ZNF616: variants seen among roughly 807,000 people sequenced by gnomAD.
ZNF616 encodes zinc finger protein 616.
A neutral mutation model predicts 7.6 loss-of-function variants in ZNF616; 5 were observed. That is an observed-to-expected ratio of 0.66 (90% CI 0.34 to 1.38). ZNF616 has a LOEUF of 1.38. ZNF616 is among the 40% of genes most tolerant of loss of function. The pLI, the probability that ZNF616 is intolerant of heterozygous loss-of-function variation, is 0.04. For synonymous variants in ZNF616, 319 were observed against 317.2 expected (o/e 1.01, Z -0.06); for missense variants, 913 against 948.3 (o/e 0.96, Z 0.49).
chr19:52,132,121 TTTTC>T (rs764452878), intron 1 of ZNF616, among the ~76,000 whole-genome samples: 2 of 152,204 alleles, frequency 1.3e-5, no homozygotes, highest in Non-Finnish European at 2.9e-5. Flanking sequence ...TAAATGTAAC[TTTTC>T]TTTATCATTT....
chr19:52,116,699 T>C lies in ZNF616; in HGVS notation c.465A>G (p.Gln155=), dbSNP rs754905243. The change falls in exon 4 of 4, where the codon CAA becomes CAG. Residue 155 remains glutamine (Q), a synonymous_variant. Coordinates refer to ENST00000600228, the MANE Select transcript of ZNF616 (RefSeq NM_178523.5). ...TACATTCATAAAGTCTCCCTTCAGTTTGAACTTTCTGCAGTTCAGCCAGAC... is the reference window on the plus strand; with the variant it reads ...TACATTCATAAAGTCTCCCTTCAGTCTGAACTTTCTGCAGTTCAGCCAGAC... ...ESRLAELQKV[Q]TEGRLYECNE... is the part of the protein sequence containing the mutation. The C allele has an allele frequency of 1.2e-5, 20 of 1,614,078 alleles. No homozygotes were observed. The highest frequency in any genetic ancestry group is 2.7e-5 in the African/African-American group (2 of 74,944).
At chr19:52,128,783 T>C (rs112521869) in intron 2 of ZNF616, among the ~76,000 whole-genome samples, 28 of 152,120 alleles carry the variant, frequency 1.8e-4, no homozygotes, top group African/African-American at 6.3e-4. Context: ...TGATGCCCAT[T>C]TTTGTTTGCT....
intron 3 of ZNF616, among the ~76,000 whole-genome samples, chr19:52,120,639 G>A (rs1158227055): frequency 6.6e-6 from 1 of 152,140 alleles, no homozygotes; most frequent in Non-Finnish European, 1.5e-5. Flanking sequence ...CCTTATAAAT[G>A]GTAATAGAAA....
intron 1 of ZNF616, among the ~76,000 whole-genome samples, chr19:52,130,879 G>A (rs774500602): frequency 2.0e-5 from 3 of 152,236 alleles, no homozygotes; most frequent in African/African-American, 7.2e-5. Context: ...CCCATGCAGC[G>A]CACAGCCCCC....
chr19:52,117,209 A>C (rs2088833710), intron 3 of ZNF616, among the ~76,000 whole-genome samples, 185 bp from the exon 4 acceptor site: 1 of 152,228 alleles, frequency 6.6e-6, no homozygotes, highest in Non-Finnish European at 1.5e-5. Flanking sequence ...AGAAAGGGTG[A>C]CTACATGTAA....
rs187731460 is a variant in ZNF616 at position 52,116,612 on chromosome 19, C to G, written c.552G>C (p.Thr184=). The change falls in exon 4 of 4, where the codon ACG becomes ACC. Residue 184 remains threonine, a synonymous_variant. Coordinates refer to ENST00000600228, the MANE Select transcript of ZNF616 (RefSeq NM_178523.5). Reference sequence around the variant, plus strand: ...CTTTGCCACATTCATTACATACATACGTTTTTTCCCTAATGTGTGGAGAAA... The same window carrying G: ...CTTTGCCACATTCATTACATACATAGGTTTTTTCCCTAATGTGTGGAGAAA... ...CLVSPHIREK[T]YVCNECGKAF... 3 of 1,613,916 alleles carry G rather than the reference C, an allele frequency of 1.9e-6. No individual in the cohort carries two copies. The highest frequency in any genetic ancestry group is 4.5e-5 in the East Asian group (2 of 44,886).
rs191597348 is a variant in ZNF616 at position 52,123,954 on chromosome 19, C to A, written c.108G>T (p.Met36Ile). 1.2e-6 allele frequency: 2 copies of A among 1,614,106 alleles called. No individual in the cohort carries two copies. Among genetic ancestry groups the A allele is most frequent in the South Asian group, 2.2e-5 (2 of 91,080 alleles). ...AGACCAGGTTCCTATAGTTCTCCAA[C>A]ATCACATCCTTGTACAAAGCTTTCT... is the stretch of plus-strand genomic sequence containing the variant. ...PVQKALYKDV[M>I]LENYRNLVFL... Residue 36 changes from methionine to isoleucine, a missense_variant, in exon 3 of 4, where the codon ATG becomes ATT. Physicochemically the swap from Met to Ile is conservative, Grantham distance 10 (BLOSUM62 1). Transcript: ENST00000600228.
At chr19:52,119,667 A>C (rs1403676485) in intron 3 of ZNF616, among the ~76,000 whole-genome samples, 1 of 152,178 alleles carries the variant, frequency 6.6e-6, no homozygotes, top group Non-Finnish European at 1.5e-5. Context: ...TAAAATCCTG[A>C]CTTTGGACAA....
At chr19:52,122,482 T>C (rs2088871849) in intron 3 of ZNF616, 1 of 151,788 alleles carries the variant, frequency 6.6e-6, no homozygotes, top group Non-Finnish European at 1.5e-5. Context: ...TGAAAATCCG[T>C]CTCAAAAAAC....
In ZNF616 at chr19:52,116,727, G is replaced by A. The variant is rs1600121331; in HGVS notation, c.437C>T (p.Ser146Leu). The A allele has an allele frequency of 6.2e-7, 1 of 1,614,126 alleles. No individual in the cohort carries two copies. ...AACTTTCTGCAGTTCAGCCAGACGT[G>A]ACTCAAAGTTTGATGTAAGCTGGTT... ...IENQLTSNFE[S>L]RLAELQKVQT... The change falls in exon 4 of 4, where the codon TCA becomes TTA. Residue 146 changes from serine (S) to leucine (L), a missense_variant. Physicochemically the swap from Ser to Leu is moderately radical, Grantham distance 145. Coordinates refer to ENST00000600228, the MANE Select transcript of ZNF616 (RefSeq NM_178523.5).
intron 3 of ZNF616, among the ~76,000 whole-genome samples, chr19:52,117,520 A>G (rs1004337781): frequency 6.6e-6 from 1 of 152,176 alleles, no homozygotes; most frequent in African/African-American, 2.4e-5. Flanking sequence ...CTATTAACCC[A>G]TGATAAAACC....
At chr19:52,123,741 G>GCA (rs2088881889) in intron 3 of ZNF616, among the ~76,000 whole-genome samples, 182 bp downstream of exon 3, 1 of 152,200 alleles carries the variant, frequency 6.6e-6, no homozygotes, top group East Asian at 1.9e-4. Flanking sequence ...GTACAAAGAA[G>GCA]GCAGCAGAAT....
intron 2 of ZNF616, among the ~76,000 whole-genome samples, chr19:52,126,620 T>C (rs1289406500): frequency 6.6e-6 from 1 of 151,414 alleles, no homozygotes; most frequent in Non-Finnish European, 1.5e-5. Context: ...ATACAAAAAT[T>C]AGCCAGGTGT....
At position 52,115,355 on chromosome 19, in the gene ZNF616, T is replaced by C. The variant is rs1357351827; in HGVS notation, c.1809A>G (p.Lys603=). The C allele has an allele frequency of 5.0e-6, 8 of 1,614,124 alleles. No individual in the cohort carries two copies. Among genetic ancestry groups the C allele is most frequent in the Admixed American group, 3.3e-5 (2 of 59,996 alleles). ...VGHRRVHTGE[K]PYKCHECGKA... ...TGCCACATTCATGACATTTGTATGG[T>C]TTCTCTCCAGTATGAACTCTTCGAT... is the stretch of plus-strand genomic sequence containing the variant. The change falls in exon 4 of 4, where the codon AAA becomes AAG. Residue 603 remains lysine (K), a synonymous_variant. Coordinates refer to ENST00000600228, the MANE Select transcript of ZNF616 (RefSeq NM_178523.5).
chr19:52,122,713 C>T (rs1365744516), intron 3 of ZNF616, among the ~76,000 whole-genome samples: 2 of 150,918 alleles, frequency 1.3e-5, no homozygotes, highest in African/African-American at 4.9e-5. Flanking sequence ...CTGCTCACTG[C>T]AAGCTCCGCC....
chr19:52,114,713 A>G lies in ZNF616; in HGVS notation c.*105T>C. On this transcript the variant is annotated 3_prime_UTR_variant, in exon 4 of 4. Transcript: ENST00000600228. ...CACCTCCCAATGGGCCCCACCTCCA[A>G]TACTGGAGATTACAATTCCACAGGG... The G allele has an allele frequency of 7.4e-7, 1 of 1,348,428 alleles. No individual in the cohort carries two copies. Among genetic ancestry groups the G allele is most frequent in the Non-Finnish European group, 1.0e-6 (1 of 995,690 alleles). The allele number at this position is 1,348,428 out of a possible 1,614,324, so 83.5% of individuals were successfully genotyped here.
intron 2 of ZNF616, among the ~76,000 whole-genome samples, chr19:52,125,488 T>C (rs1226692823): frequency 6.6e-6 from 1 of 152,220 alleles, no homozygotes; most frequent in Non-Finnish European, 1.5e-5. Flanking sequence ...TTGACAATAA[T>C]CTTCTTTGAC....
At chr19:52,117,217 T>G (rs543806649) in intron 3 of ZNF616, among the ~76,000 whole-genome samples, 193 bp from the exon 4 acceptor site, 1 of 152,300 alleles carries the variant, frequency 6.6e-6, no homozygotes, top group Non-Finnish European at 1.5e-5. Context: ...TGACTACATG[T>G]AATTCAAATT....
chr19:52,128,738 T>A (rs1273475680), intron 2 of ZNF616, among the ~76,000 whole-genome samples: 3 of 144,122 alleles, frequency 2.1e-5, no homozygotes, highest in East Asian at 2.0e-4. Flanking sequence ...CGAAACTCCG[T>A]CTCAAAAAAA....
Sources: allele counts gnomAD v4.1 joint callset (sites outside exome capture counted in the v4.1 genomes callset), GRCh38; gene constraint gnomAD v4.1.1; transcripts MANE v1.5; gene names NCBI Gene and HGNC (gene_info 2026-07-23, HGNC 2026-07-21).